Variants in NTRK2 observed in about 807,000 individuals in gnomAD.
NTRK2 encodes the protein neurotrophic receptor tyrosine kinase 2, also known as BDNF/NT-3 growth factors receptor.
NTRK2 carries 13 observed loss-of-function variants against 94.5 expected under a neutral mutation model. The observed-to-expected ratio is 0.14, with a 90% CI of 0.09 to 0.22. The LOEUF is 0.22. Ranked by LOEUF, NTRK2 falls within the 10% of genes least tolerant of loss-of-function variation. The probability of loss-of-function intolerance (pLI) is 1.00; values close to 1 mark genes in which losing one functional copy is unlikely to be tolerated. For synonymous variants in NTRK2, 372 were observed against 407.4 expected, an observed-to-expected ratio of 0.91 and a Z score of 1.05; for missense variants, 639 against 1,071.2, an observed-to-expected ratio of 0.60 and a Z score of 5.63.
intron 14 of NTRK2, chr9:84,873,373 T>C: frequency 9.4e-7 from 1 of 1,058,876 alleles, no homozygotes; most frequent in Non-Finnish European, 1.1e-6. Flanking sequence ...AATGCACTTA[T>C]TTTAGGATCC....
At chr9:84,721,239 G>A (rs1395674812) in intron 6 of NTRK2, among the ~76,000 whole-genome samples, 1 of 151,274 alleles carries the variant, frequency 6.6e-6, no homozygotes, top group African/African-American at 2.4e-5. Flanking sequence ...GCAATGGCGC[G>A]AGCTTGGCTC....
At position 85,023,592 on chromosome 9, in the gene NTRK2, A is replaced by T. The variant is rs1044174894; in HGVS notation, c.*2155A>T. On this transcript the variant is annotated 3_prime_UTR_variant, in exon 19 of 19. Coordinates refer to ENST00000277120, the MANE Select transcript of NTRK2 (RefSeq NM_006180.6). ...GTTTGTTCTCTTTGTTGATGATTTT[A>T]AAAAAACCCTCTAGAATACACATAA... The T allele has an allele frequency of 2.2e-5, 5 of 228,012 alleles. No individual in the cohort carries two copies. The highest frequency in any genetic ancestry group is 6.5e-5 in the East Asian group (1 of 15,458). The allele number at this position is 228,012 out of a possible 1,614,324, so 14.1% of individuals were successfully genotyped here.
intron 2 of NTRK2, among the ~76,000 whole-genome samples, chr9:84,700,338 T>A (rs1374358268): frequency 6.6e-6 from 1 of 152,160 alleles, no homozygotes; most frequent in Non-Finnish European, 1.5e-5. Context: ...TCTGAAACAG[T>A]TGATGTTAAA....
chr9:84,784,957 G>T (rs2067978003), intron 12 of NTRK2, among the ~76,000 whole-genome samples: 1 of 152,084 alleles, frequency 6.6e-6, no homozygotes, highest in South Asian at 2.1e-4. Flanking sequence ...GTTTCCTTGA[G>T]AACTGAACAT....
chr9:84,971,625 A>G (rs1019558842), intron 17 of NTRK2, among the ~76,000 whole-genome samples: 1 of 152,246 alleles, frequency 6.6e-6, no homozygotes, highest in African/African-American at 2.4e-5. Flanking sequence ...TAGAAGCAGA[A>G]GGACCTTGCC....
intron 12 of NTRK2, among the ~76,000 whole-genome samples, chr9:84,755,836 G>A (rs528192211): frequency 2.0e-5 from 3 of 152,172 alleles, no homozygotes; most frequent in East Asian, 1.9e-4. Context: ...TTTTATTCTT[G>A]CTTGATAGAG....
chr9:84,811,143 T>C, intron 12 of NTRK2: 17 of 1,063,774 alleles, frequency 1.6e-5, no homozygotes, highest in Non-Finnish European at 1.9e-5. Flanking sequence ...GTTAAGGGTA[T>C]ATATACCATC....
At chr9:84,824,002 G>C (rs976838550) in intron 12 of NTRK2, among the ~76,000 whole-genome samples, 2 of 152,268 alleles carry the variant, frequency 1.3e-5, no homozygotes, top group Admixed American at 6.5e-5. Flanking sequence ...CAGGACAGTG[G>C]GGGAGGAGCT....
chr9:84,928,294 C>A (rs2077893461), intron 14 of NTRK2, among the ~76,000 whole-genome samples: 1 of 152,122 alleles, frequency 6.6e-6, no homozygotes, highest in Non-Finnish European at 1.5e-5. Context: ...TTTGGAAAAT[C>A]ATTTTTGTTA....
intron 14 of NTRK2, among the ~76,000 whole-genome samples, chr9:84,921,700 A>AG (rs2077571961): frequency 1.3e-5 from 2 of 152,346 alleles, no homozygotes; most frequent in South Asian, 4.1e-4. Context: ...AGTTAATAGA[A>AG]GAATGAAAAA....
At chr9:84,813,866 A>G (rs1213864622) in intron 12 of NTRK2, 12 of 1,065,390 alleles carry the variant, frequency 1.1e-5, no homozygotes, top group East Asian at 5.0e-5. Context: ...TCCACGTCCT[A>G]TATCTTATTA....
chr9:84,845,254 C>CAG (rs2074409578), intron 12 of NTRK2, among the ~76,000 whole-genome samples: 1 of 43,538 alleles, frequency 2.3e-5, no homozygotes, highest in Admixed American at 2.1e-4. Flanking sequence ...GGTGTATACA[C>CAG]ACACACACAC....
chr9:84,996,186 C>T (rs1207004402), intron 17 of NTRK2, among the ~76,000 whole-genome samples: 1 of 152,118 alleles, frequency 6.6e-6, no homozygotes, highest in Non-Finnish European at 1.5e-5. Flanking sequence ...AAATATTAAC[C>T]TCGGGAAAAA....
At chr9:85,004,053 G>GAAA (rs1316613240) in intron 17 of NTRK2, among the ~76,000 whole-genome samples, 3 of 64,902 alleles carry the variant, frequency 4.6e-5, no homozygotes, top group Admixed American at 1.6e-4. Flanking sequence ...AAGGGAGAAA[G>GAAA]AGAAAGAAAG....
intron 12 of NTRK2, among the ~76,000 whole-genome samples, chr9:84,771,922 A>G (rs541780495): frequency 2.0e-5 from 3 of 152,346 alleles, no homozygotes; most frequent in South Asian, 2.1e-4. Flanking sequence ...AATGGTAAAG[A>G]GTAAAATGAA....
chr9:85,013,288 G>A (rs1028843496), intron 17 of NTRK2, among the ~76,000 whole-genome samples: 8 of 152,162 alleles, frequency 5.3e-5, no homozygotes, highest in African/African-American at 1.9e-4. Flanking sequence ...TCTCCAAGGG[G>A]AAGATTTTTG....
chr9:84,802,484 C>T (rs1332827382), intron 12 of NTRK2, among the ~76,000 whole-genome samples: 2 of 152,146 alleles, frequency 1.3e-5, no homozygotes, highest in East Asian at 1.9e-4. Flanking sequence ...GCACACGCCC[C>T]GCTGCTGTAA....
rs1376465616 is a variant in NTRK2 at position 84,730,660 on chromosome 9, G to T, written c.1159+2701G>T. 6.1e-5 allele frequency among the ~76,000 whole-genome samples: 8 copies of T among 131,908 alleles called. No homozygotes were observed. In the Admixed American group the frequency reaches 6.4e-4, roughly 10 times the overall value. The allele number at this position is 131,908 out of a possible 152,430, so 86.5% of individuals were successfully genotyped here. Reference sequence around the variant, plus strand: ...GGAGGCTGAGGCAGGAGAATGGCGTGAACCCGGGAGGCGGAGCTTGCAGTG... The same window carrying T: ...GGAGGCTGAGGCAGGAGAATGGCGTTAACCCGGGAGGCGGAGCTTGCAGTG... On this transcript the variant is annotated intron_variant, in intron 9 of 18. Transcript: ENST00000277120.
At chr9:84,772,197 A>T (rs2066617645) in intron 12 of NTRK2, among the ~76,000 whole-genome samples, 1 of 152,192 alleles carries the variant, frequency 6.6e-6, no homozygotes, top group South Asian at 2.1e-4. Flanking sequence ...ATGGACAATG[A>T]TGGGGAAATA....
Sources: allele counts gnomAD v4.1 joint callset (sites outside exome capture counted in the v4.1 genomes callset), GRCh38; gene constraint gnomAD v4.1.1; transcripts MANE v1.5; gene names NCBI Gene and HGNC (gene_info 2026-07-23, HGNC 2026-07-21).